SLC5A8: variants seen among roughly 807,000 people sequenced by gnomAD.
SLC5A8 encodes sodium-coupled monocarboxylate transporter 1.
A neutral mutation model predicts 71.9 loss-of-function variants in SLC5A8; 55 were observed. The observed-to-expected ratio is 0.77, with a 90% CI of 0.62 to 0.96. SLC5A8 has a LOEUF of 0.96. Ranked by LOEUF, SLC5A8 falls within the 40% of genes least tolerant of loss-of-function variation. The pLI, the probability that SLC5A8 is intolerant of heterozygous loss-of-function variation, is 0.00. For missense variants in SLC5A8, 701 were observed against 745.3 expected, an observed-to-expected ratio of 0.94 and a Z score of 0.69; for synonymous variants, 307 against 276.1, an observed-to-expected ratio of 1.11 and a Z score of -1.11.
At chr12:101,177,482 T>G (rs867655504) in intron 10 of SLC5A8, among the ~76,000 whole-genome samples, 2 of 138,658 alleles carry the variant, frequency 1.4e-5, no homozygotes, top group African/African-American at 5.3e-5. Context: ...CACACACGCA[T>G]GCATGCACAC....
chr12:101,202,646 G>A (rs1225017536), intron 2 of SLC5A8, among the ~76,000 whole-genome samples: 1 of 151,910 alleles, frequency 6.6e-6, no homozygotes, highest in Non-Finnish European at 1.5e-5. Context: ...TAAAAATTTG[G>A]AAAGCCTATT....
At position 101,193,738 on chromosome 12, in the gene SLC5A8, A is replaced by C. The variant is rs1241036326; in HGVS notation, c.579T>G (p.Val193=). The C allele has an allele frequency of 6.2e-7, 1 of 1,614,176 alleles. No individual in the cohort carries two copies. The change falls in exon 5 of 15, where the codon GTT becomes GTG. Residue 193 remains valine, a synonymous_variant. Coordinates refer to ENST00000536262, the MANE Select transcript of SLC5A8 (RefSeq NM_145913.5). The part of the protein sequence containing the change: ...KAVIWTDVFQ[V]GIMVAGFASV... ...ATGCAAATCCAGCCACCATGATCCC[A>C]ACTTGAAAAACATCTGTCCAGATAA...
intron 12 of SLC5A8, among the ~76,000 whole-genome samples, chr12:101,165,297 T>C (rs185329704): frequency 5.0e-4 from 76 of 152,316 alleles, no homozygotes; most frequent in Admixed American, 1.1e-3. Flanking sequence ...CAAATAACCA[T>C]TTTGCCTTAG....
intron 14 of SLC5A8, 144 bp from the exon 15 acceptor site, chr12:101,157,545 C>T (rs963772811): frequency 2.9e-6 from 3 of 1,021,854 alleles, no homozygotes; most frequent in Non-Finnish European, 4.1e-6. Context: ...AACAGGTATA[C>T]TTCCTCAGAG....
rs73391438 is a variant in SLC5A8 at position 101,191,831 on chromosome 12, T to C, written c.693-1223A>G. On this transcript the variant is annotated intron_variant, in intron 5 of 14. Coordinates refer to ENST00000536262, the MANE Select transcript of SLC5A8 (RefSeq NM_145913.5). ...GAAACACAAATAAGGCTTTTTATTGTTACTTAATGACTTTCAAAACTAAGG... is the reference window on the plus strand; with the variant it reads ...GAAACACAAATAAGGCTTTTTATTGCTACTTAATGACTTTCAAAACTAAGG... Among the ~76,000 whole-genome samples the C allele has an allele frequency of 7.3e-3, 1,119 of 152,374 alleles. 23 individuals are homozygous for C. The highest frequency in any genetic ancestry group is 0.026 in the African/African-American group (1,081 of 41,586).
chr12:101,183,121 C>T (rs1868446132), intron 8 of SLC5A8, among the ~76,000 whole-genome samples: 1 of 138,638 alleles, frequency 7.2e-6, no homozygotes, highest in Non-Finnish European at 1.5e-5. Context: ...TCTCGACTCA[C>T]TGCAAGCTCT....
intron 1 of SLC5A8, among the ~76,000 whole-genome samples, chr12:101,208,636 C>T (rs113529307): frequency 0.01 from 1,554 of 152,226 alleles, 14 homozygotes; most frequent in South Asian, 0.022. Context: ...GGGACCTGTG[C>T]AATAGAGGAA....
chr12:101,190,301 A>C (rs1376206751), intron 6 of SLC5A8, among the ~76,000 whole-genome samples, 167 bp downstream of exon 6: 1 of 152,238 alleles, frequency 6.6e-6, no homozygotes, highest in East Asian at 1.9e-4. Flanking sequence ...GATTTAAAAC[A>C]TACAGTAACA....
chr12:101,187,650 C>G, intron 6 of SLC5A8, 135 bp from the exon 7 acceptor site: 2 of 950,638 alleles, frequency 2.1e-6, no homozygotes, highest in Non-Finnish European at 3.0e-6. Flanking sequence ...TTATCGAAAA[C>G]TCTACTTATT....
intron 13 of SLC5A8, among the ~76,000 whole-genome samples, chr12:101,159,705 T>C (rs1297299038): frequency 1.3e-5 from 2 of 152,208 alleles, no homozygotes; most frequent in African/African-American, 2.4e-5. Flanking sequence ...TATAGCTGTA[T>C]ATGGTTTTTC....
In SLC5A8 at chr12:101,163,982, C is replaced by T. The variant is rs376318271; in HGVS notation, c.1527-1905G>A. ...TCAATTCCAAAGTGGATTACACTTC[C>T]TCAATGGAAATGGTTAACAATAAAG... On this transcript the variant is annotated intron_variant, in intron 12 of 14. Transcript: ENST00000536262. Among the ~76,000 whole-genome samples the T allele has an allele frequency of 5.9e-5, 9 of 152,306 alleles. No individual in the cohort carries two copies. In the South Asian group the frequency reaches 1.9e-3, roughly 32 times the overall value.
At chr12:101,169,315 G>C (rs1021115974) in intron 10 of SLC5A8, among the ~76,000 whole-genome samples, 9 of 152,168 alleles carry the variant, frequency 5.9e-5, no homozygotes, top group African/African-American at 2.2e-4. Context: ...GACTTTGCTA[G>C]AACATGTCAT....
chr12:101,189,692 G>C (rs962567857), intron 6 of SLC5A8, among the ~76,000 whole-genome samples: 2 of 152,044 alleles, frequency 1.3e-5, no homozygotes, highest in Non-Finnish European at 2.9e-5. Context: ...ACCTCTGTGC[G>C]TTCATCCAAA....
intron 14 of SLC5A8, among the ~76,000 whole-genome samples, 167 bp from the exon 15 acceptor site, chr12:101,157,568 T>C (rs2051677262): frequency 6.6e-6 from 1 of 152,176 alleles, no homozygotes; most frequent in Non-Finnish European, 1.5e-5. Context: ...TACCGAGATA[T>C]TCAACAGATA....
intron 3 of SLC5A8, among the ~76,000 whole-genome samples, chr12:101,200,562 A>G (rs1305910435): frequency 6.6e-6 from 1 of 152,172 alleles, no homozygotes; most frequent in Non-Finnish European, 1.5e-5. Context: ...CACTGAAAAA[A>G]AATCAGGGAA....
In SLC5A8 at chr12:101,193,732, G is replaced by T; in HGVS notation, c.585C>A (p.Ile195=). ...VIWTDVFQVG[I]MVAGFASVII... ...TCACGGATGCAAATCCAGCCACCAT[G>T]ATCCCAACTTGAAAAACATCTGTCC... is the stretch of plus-strand genomic sequence containing the variant. Residue 195 remains isoleucine (I), a synonymous_variant, in exon 5 of 15, where the codon ATC becomes ATA. Transcript: ENST00000536262. 1 of 1,614,110 alleles carries T rather than the reference G, an allele frequency of 6.2e-7. No homozygotes were observed.
chr12:101,166,249 G>C (rs889048478), intron 12 of SLC5A8, among the ~76,000 whole-genome samples: 1 of 152,164 alleles, frequency 6.6e-6, no homozygotes, highest in Non-Finnish European at 1.5e-5. Flanking sequence ...ACACATAACA[G>C]AAGTTTCTCA....
intron 14 of SLC5A8, among the ~76,000 whole-genome samples, chr12:101,157,606 A>T (rs948207573): frequency 6.6e-6 from 1 of 152,202 alleles, no homozygotes; most frequent in African/African-American, 2.4e-5. Context: ...GATACAAAAT[A>T]GCCCATCAGA....
At chr12:101,178,202 T>C (rs2051898785) in intron 10 of SLC5A8, among the ~76,000 whole-genome samples, 1 of 152,084 alleles carries the variant, frequency 6.6e-6, no homozygotes, top group Non-Finnish European at 1.5e-5. Context: ...TTTTAGAAAA[T>C]TCAACATGGT....
Sources: gnomAD v4.1 joint callset for allele counts (sites outside exome capture counted in the v4.1 genomes callset) on GRCh38, gnomAD v4.1.1 for gene constraint, MANE v1.5 for transcripts, NCBI Gene and HGNC (gene_info 2026-07-23, HGNC 2026-07-21) for gene names.